The following CAPZA1 variants were observed in gnomAD, a reference collection of about 807,000 sequenced individuals.
CAPZA1 encodes the protein F-actin-capping protein subunit alpha-1.
In CAPZA1, 10 loss-of-function variants were observed where a neutral mutation model predicts 40.8. The ratio of observed to expected loss-of-function variants is 0.25; its 90% CI spans 0.15 to 0.42. The LOEUF is 0.42. Among genes scored for constraint, CAPZA1 ranks in the 10% least tolerant of loss-of-function variants. The probability of loss-of-function intolerance (pLI) is 1.00; values close to 1 mark genes in which losing one functional copy is unlikely to be tolerated. For missense variants in CAPZA1, 277 were observed against 353.8 expected (o/e 0.78, Z 1.74); for synonymous variants, 98 against 115.0 (o/e 0.85, Z 0.95).
rs888843683 is a variant in CAPZA1, at chr1:112,632,710, A to G, written c.39+12827A>G. 3.9e-5 allele frequency among the ~76,000 whole-genome samples: 6 copies of G among 152,236 alleles called. No individual in the cohort carries two copies. In the East Asian group the frequency reaches 5.8e-4, roughly 15 times the overall value. On this transcript the variant is annotated intron_variant, in intron 1 of 9. Transcript: ENST00000263168. ...GTGTTTAAGACATACCAGAAAAGCA[A>G]TTATTCCCTAGAGTTTGTAGAATGT...
At chr1:112,621,532 G>T (rs2101131867) in intron 1 of CAPZA1, among the ~76,000 whole-genome samples, 1 of 152,202 alleles carries the variant, frequency 6.6e-6, no homozygotes, top group Non-Finnish European at 1.5e-5. Flanking sequence ...GATTACAGGC[G>T]TAAGCCACCG....
At chr1:112,631,154 G>C (rs1001626135) in intron 1 of CAPZA1, among the ~76,000 whole-genome samples, 1 of 152,190 alleles carries the variant, frequency 6.6e-6, no homozygotes, top group African/African-American at 2.4e-5. Context: ...TAATTTGTTG[G>C]CTTACCTCTT....
At position 112,623,629 on chromosome 1, in the gene CAPZA1, C is replaced by T. The variant is rs567173701; in HGVS notation, c.39+3746C>T. Among the ~76,000 whole-genome samples, 111 of 150,138 alleles carry T rather than the reference C, an allele frequency of 7.4e-4. 1 individual carries two copies. The highest frequency in any genetic ancestry group is 2.6e-3 in the African/African-American group (107 of 40,778). On this transcript the variant is annotated intron_variant, in intron 1 of 9. Coordinates refer to ENST00000263168, the MANE Select transcript of CAPZA1 (RefSeq NM_006135.3). ...CTGGGAGGCGGAGGTTGCGGTGACC[C>T]GAGATCACGCCATTGCACTCCAGCC...
rs1177827754 is a variant in CAPZA1 at position 112,670,828 on chromosome 1, C to G, written c.*696C>G. On this transcript the variant is annotated 3_prime_UTR_variant, in exon 10 of 10. Coordinates refer to ENST00000263168, the MANE Select transcript of CAPZA1 (RefSeq NM_006135.3). ...CCTTCTCTCATTGTCTCCTTCCCAT[C>G]TTAGTACCATTGTAGTTATAAACAT... 1.3e-5 allele frequency: 2 copies of G among 152,736 alleles called. No individual in the cohort carries two copies. The highest frequency in any genetic ancestry group is 2.9e-5 in the Non-Finnish European group (2 of 68,038). 9.5% of individuals were successfully genotyped at this position (152,736 alleles called of 1,614,324 possible).
At chr1:112,659,827 C>A in intron 7 of CAPZA1, 48 bp downstream of exon 7, 1 of 1,425,222 alleles carries the variant, frequency 7.0e-7, no homozygotes, top group Non-Finnish European at 9.8e-7. Context: ...ATCTTTAAAA[C>A]ATGTGCAGGT....
chr1:112,635,852 A>G (rs1671005526), intron 1 of CAPZA1, among the ~76,000 whole-genome samples: 1 of 152,096 alleles, frequency 6.6e-6, no homozygotes, highest in African/African-American at 2.4e-5. Flanking sequence ...CACACGGTGA[A>G]ACCCCACCTC....
At chr1:112,663,538 G>C (rs750575947) in intron 7 of CAPZA1, among the ~76,000 whole-genome samples, 3 of 151,444 alleles carry the variant, frequency 2.0e-5, no homozygotes, top group Non-Finnish European at 1.5e-5. Context: ...GTCTCTCTCT[G>C]TCACCCAGGC....
At chr1:112,627,375 T>C (rs921585408) in intron 1 of CAPZA1, among the ~76,000 whole-genome samples, 2 of 152,144 alleles carry the variant, frequency 1.3e-5, no homozygotes, top group African/African-American at 2.4e-5. Flanking sequence ...CCAGGTGCGG[T>C]GGTTCACACT....
intron 1 of CAPZA1, among the ~76,000 whole-genome samples, chr1:112,628,871 G>A (rs1483438492): frequency 6.6e-6 from 1 of 152,200 alleles, no homozygotes; most frequent in African/African-American, 2.4e-5. Flanking sequence ...TGTAGGCTCT[G>A]TCTTTAAAAT....
At chr1:112,648,347 CTTTTTTTTTTTTTTT>C (rs35670246) in intron 2 of CAPZA1, among the ~76,000 whole-genome samples, 3 of 99,388 alleles carry the variant, frequency 3.0e-5, no homozygotes, top group Non-Finnish European at 6.2e-5. Context: ...TTGAATTTTT[CTTTTTTTTTTTTTTT>C]TTTTTTTGAC....
chr1:112,632,948 T>C (rs143723631), intron 1 of CAPZA1, among the ~76,000 whole-genome samples: 1 of 152,366 alleles, frequency 6.6e-6, no homozygotes, highest in Non-Finnish European at 1.5e-5. Flanking sequence ...ATCTTTATGC[T>C]TTCAAGTCTT....
intron 7 of CAPZA1, among the ~76,000 whole-genome samples, chr1:112,663,682 T>C (rs1671664023): frequency 6.6e-6 from 1 of 151,882 alleles, no homozygotes; most frequent in African/African-American, 2.4e-5. Context: ...TTTTTGTATT[T>C]TTAGTAGAGA....
chr1:112,639,551 C>T (rs1478240156), intron 1 of CAPZA1, among the ~76,000 whole-genome samples: 1 of 152,192 alleles, frequency 6.6e-6, no homozygotes, highest in African/African-American at 2.4e-5. Context: ...GGTCAAAGGT[C>T]TTGGTCAAGA....
At chr1:112,647,541 A>C (rs1484726433) in intron 2 of CAPZA1, among the ~76,000 whole-genome samples, 1 of 152,262 alleles carries the variant, frequency 6.6e-6, no homozygotes, top group East Asian at 1.9e-4. Flanking sequence ...AGTATCAATA[A>C]ATGTAGAAAC....
In CAPZA1 at chr1:112,669,698, T is replaced by C; in HGVS notation, c.720+93T>C. ...TAGGCCTTGTGTCCTTTAATGTAAA[T>C]ATACATGCTCTTCAGTTTTACTAAA... On this transcript the variant is annotated intron_variant, in intron 9 of 9. Transcript: ENST00000263168. The C allele has an allele frequency of 4.3e-6, 4 of 934,202 alleles. 1 individual carries two copies. The South Asian group carries it at 4.3e-5, about 10-fold the overall frequency. The allele number at this position is 934,202 out of a possible 1,614,324, so 57.9% of individuals were successfully genotyped here.
At chr1:112,640,320 G>T (rs1671123546) in intron 1 of CAPZA1, among the ~76,000 whole-genome samples, 2 of 126,416 alleles carry the variant, frequency 1.6e-5, no homozygotes, top group Non-Finnish European at 3.4e-5. Context: ...GAGGTGGGGG[G>T]GTCAGCCCCC....
At chr1:112,650,632 G>A (rs1004521988) in intron 3 of CAPZA1, among the ~76,000 whole-genome samples, 2 of 152,266 alleles carry the variant, frequency 1.3e-5, no homozygotes, top group South Asian at 4.1e-4. Flanking sequence ...ATCTCACAAG[G>A]CAAGTTCTTC....
rs145899126 is a variant in CAPZA1 at position 112,649,599 on chromosome 1, G to A, written c.155+130G>A. 1.1e-3 allele frequency: 834 copies of A among 754,724 alleles called. 1 individual carries two copies. The highest frequency in any genetic ancestry group is 1.6e-3 in the Non-Finnish European group (748 of 453,460). The allele number at this position is 754,724 out of a possible 1,614,324, so 46.8% of individuals were successfully genotyped here. A position where few individuals can be genotyped will look rare whatever the true frequency, so the allele number is the denominator to read the frequency against. ...AAAGCAGTTGGTTTTAGCAATTTTCGTTGTTTTTTTTAATTGGAGAAAACA... is the reference window on the plus strand; with the variant it reads ...AAAGCAGTTGGTTTTAGCAATTTTCATTGTTTTTTTTAATTGGAGAAAACA... On this transcript the variant is annotated intron_variant, in intron 3 of 9. Transcript: ENST00000263168.
rs536919787 is a variant in CAPZA1, at chr1:112,630,774, T to G, written c.39+10891T>G. On this transcript the variant is annotated intron_variant, in intron 1 of 9. Coordinates refer to ENST00000263168, the MANE Select transcript of CAPZA1 (RefSeq NM_006135.3). Reference sequence around the variant, plus strand: ...AGGCCTGAGCTCACTGTGCCCAGCCTGAATTAAAGTTATTTTTAAATGCTG... The same window carrying G: ...AGGCCTGAGCTCACTGTGCCCAGCCGGAATTAAAGTTATTTTTAAATGCTG... 1.6e-4 allele frequency among the ~76,000 whole-genome samples: 25 copies of G among 152,310 alleles called. No individual in the cohort carries two copies. The South Asian group carries it at 5.0e-3, about 30-fold the overall frequency.
Sources: gnomAD v4.1 joint callset for allele counts (sites outside exome capture counted in the v4.1 genomes callset) on GRCh38, gnomAD v4.1.1 for gene constraint, MANE v1.5 for transcripts, NCBI Gene and HGNC (gene_info 2026-07-23, HGNC 2026-07-21) for gene names.